HMGB1: variants seen among roughly 807,000 people sequenced by gnomAD.
HMGB1 encodes high mobility group protein B1.
For missense variants in HMGB1, 79 were observed against 253.5 expected (o/e 0.31, Z 4.67); for synonymous variants, 81 against 84.0 (o/e 0.96, Z 0.19).
chr13:30,554,301 C>T, intron 1 of HMGB1: 1 of 1,107,068 alleles, frequency 9.0e-7, no homozygotes, highest in Non-Finnish European at 1.4e-6. Context: ...GACCATGGGC[C>T]TGCAGTGATC....
chr13:30,607,139 T>C (rs1433286977), intron 1 of HMGB1, among the ~76,000 whole-genome samples: 1 of 152,206 alleles, frequency 6.6e-6, no homozygotes, highest in Non-Finnish European at 1.5e-5. Flanking sequence ...GTCCACCTTA[T>C]CCTAATTATT....
At position 30,457,681 on chromosome 13, in the gene HMGB1, T is replaced by C. The variant is rs1445177523; in HGVS notation, c.*3676A>G. 1 of 152,244 alleles carries C rather than the reference T, an allele frequency of 6.6e-6. No individual in the cohort carries two copies. The highest frequency in any genetic ancestry group is 1.5e-5 in the Non-Finnish European group (1 of 68,038). 9.4% of individuals were successfully genotyped at this position (152,244 alleles called of 1,614,324 possible). On this transcript the variant is annotated 3_prime_UTR_variant, in exon 5 of 5. Transcript: ENST00000341423. ...ACCCCCCTGGAAGACGAGCATTACA[T>C]ATTCTGGAGTGTGGCATATTATGTT...
At chr13:30,504,222 C>T (rs1261644066) in intron 1 of HMGB1, among the ~76,000 whole-genome samples, 1 of 152,168 alleles carries the variant, frequency 6.6e-6, no homozygotes, top group African/African-American at 2.4e-5. Context: ...ATGTGAATTA[C>T]CCCACCCCAG....
chr13:30,591,659 G>A (rs1401755375), intron 1 of HMGB1, among the ~76,000 whole-genome samples: 1 of 152,076 alleles, frequency 6.6e-6, no homozygotes, highest in African/African-American at 2.4e-5. Flanking sequence ...ACAGGCGCAT[G>A]CCACTACATC....
At chr13:30,536,990 T>C (rs902932016) in intron 1 of HMGB1, among the ~76,000 whole-genome samples, 2 of 152,222 alleles carry the variant, frequency 1.3e-5, no homozygotes, top group African/African-American at 2.4e-5. Context: ...CTCCGTTCCA[T>C]GGGTCCTCTG....
At chr13:30,529,419 G>A (rs1169518182) in intron 1 of HMGB1, among the ~76,000 whole-genome samples, 11 of 152,186 alleles carry the variant, frequency 7.2e-5, no homozygotes, top group Admixed American at 7.2e-4. Flanking sequence ...TCACCAAAAA[G>A]CTGTTTGCAA....
chr13:30,481,621 G>T (rs1464422615), intron 1 of HMGB1, among the ~76,000 whole-genome samples: 3 of 152,168 alleles, frequency 2.0e-5, no homozygotes, highest in African/African-American at 7.2e-5. Context: ...TGGCTCCCCC[G>T]GTGGGGCAAA....
At chr13:30,501,376 A>G (rs1428759488) in intron 1 of HMGB1, among the ~76,000 whole-genome samples, 2 of 152,094 alleles carry the variant, frequency 1.3e-5, no homozygotes, top group African/African-American at 4.8e-5. Context: ...TTAGAGACAA[A>G]GTCTTGCTCT....
chr13:30,584,011 G>C (rs1871034204), intron 1 of HMGB1, among the ~76,000 whole-genome samples: 1 of 147,352 alleles, frequency 6.8e-6, no homozygotes, highest in Non-Finnish European at 1.5e-5. Flanking sequence ...CTAAAGAAGA[G>C]AAAAGAAAAG....
intron 1 of HMGB1, among the ~76,000 whole-genome samples, chr13:30,578,746 T>C (rs191532493): frequency 1.3e-5 from 2 of 152,330 alleles, no homozygotes; most frequent in East Asian, 1.9e-4. Flanking sequence ...CACTTCTCTA[T>C]ATATACCTAT....
At chr13:30,525,076 T>C (rs1371490209) in intron 1 of HMGB1, among the ~76,000 whole-genome samples, 1 of 152,228 alleles carries the variant, frequency 6.6e-6, no homozygotes, top group Non-Finnish European at 1.5e-5. Context: ...CTCTGCTAAC[T>C]ATTAAAATAA....
chr13:30,608,484 C>A (rs150327054), intron 1 of HMGB1, among the ~76,000 whole-genome samples: 313 of 152,230 alleles, frequency 2.1e-3, no homozygotes, highest in Non-Finnish European at 4.0e-3. Flanking sequence ...ATAAAACTTC[C>A]TTACCGTAAT....
chr13:30,538,985 C>T (rs1225692253), intron 1 of HMGB1, among the ~76,000 whole-genome samples: 1 of 152,126 alleles, frequency 6.6e-6, no homozygotes, highest in African/African-American at 2.4e-5. Context: ...CAACCTCCAC[C>T]TCCCGGGTTC....
intron 1 of HMGB1, 72 bp from the exon 2 acceptor site, chr13:30,463,766 G>C (rs2249825): frequency 0.23 from 234,864 of 1,003,432 alleles, 30,369 homozygotes; most frequent in Non-Finnish European, 0.26. Context: ...TACTTAGTAA[G>C]GGAATGAAAA....
Position 30,519,433 on chromosome 13 carries a change from C to G in HMGB1, c.-14-55739G>C, listed in dbSNP as rs563363315. ...TAAAAAGGCCGGGCGCGGTGGTTCA[C>G]GCCTGTAATCCCAGCACTTTGGGAG... On this transcript the variant is annotated intron_variant, in intron 1 of 4. Transcript: ENST00000405805. Among the ~76,000 whole-genome samples, 17 of 148,268 alleles carry G rather than the reference C, an allele frequency of 1.1e-4. No homozygotes were observed. The East Asian group carries it at 3.0e-3, about 26-fold the overall frequency.
chr13:30,590,114 G>A (rs1164103853), intron 1 of HMGB1, among the ~76,000 whole-genome samples: 1 of 151,790 alleles, frequency 6.6e-6, no homozygotes, highest in Non-Finnish European at 1.5e-5. Flanking sequence ...TTAAAACAAA[G>A]GGCTGTAAGG....
chr13:30,578,020 G>A (rs1027998944), intron 1 of HMGB1, among the ~76,000 whole-genome samples: 1 of 151,936 alleles, frequency 6.6e-6, no homozygotes, highest in African/African-American at 2.4e-5. Flanking sequence ...AGGCTCCTTC[G>A]TGTCACTCCT....
chr13:30,604,770 A>G (rs1247471996), intron 1 of HMGB1, among the ~76,000 whole-genome samples: 1 of 151,970 alleles, frequency 6.6e-6, no homozygotes, highest in African/African-American at 2.4e-5. Context: ...CCATTCTCCC[A>G]CCTCAGCCTC....
rs545054897 is a variant in HMGB1 at position 30,593,158 on chromosome 13, C to A, written c.-15+23513G>T. Among the ~76,000 whole-genome samples the A allele has an allele frequency of 7.9e-5, 12 of 152,304 alleles. No individual in the cohort carries two copies. The South Asian group carries it at 8.3e-4, about 11-fold the overall frequency. ...CAGATAGATGTGACTCTTACAGGAG[C>A]AGCAGGGATTTCCCACTTTGGGCGG... On this transcript the variant is annotated intron_variant, in intron 1 of 4. Coordinates refer to the HMGB1 transcript ENST00000405805.
Sources: allele counts gnomAD v4.1 joint callset (sites outside exome capture counted in the v4.1 genomes callset), GRCh38; gene constraint gnomAD v4.1.1; transcripts MANE v1.5; gene names NCBI Gene and HGNC (gene_info 2026-07-23, HGNC 2026-07-21).